The following MAGI1 variants were observed in gnomAD, a reference collection of about 807,000 sequenced individuals.
MAGI1 encodes membrane-associated guanylate kinase, WW and PDZ domain-containing protein 1.
MAGI1 carries 58 observed loss-of-function variants against 139.9 expected under a neutral mutation model. That is an observed-to-expected ratio of 0.41 (90% CI 0.34 to 0.52). The LOEUF (loss-of-function observed/expected upper bound fraction) is 0.52. Ranked by LOEUF, MAGI1 falls within the 20% of genes least tolerant of loss-of-function variation. MAGI1 has a pLI of 0.12. For synonymous variants in MAGI1, 812 were observed against 737.9 expected (o/e 1.10, Z -1.63); for missense variants, 1,874 against 1,901.6 (o/e 0.99, Z 0.27).
intron 1 of MAGI1, among the ~76,000 whole-genome samples, chr3:66,007,437 G>A (rs779462897): frequency 1.3e-5 from 2 of 152,224 alleles, no homozygotes; most frequent in East Asian, 3.9e-4. Flanking sequence ...CGCTGCCTGA[G>A]AAATCAGGAA....
At chr3:65,592,362 G>A (rs763216632) in intron 2 of MAGI1, among the ~76,000 whole-genome samples, 37 of 152,148 alleles carry the variant, frequency 2.4e-4, no homozygotes, top group Non-Finnish European at 8.8e-5. Context: ...GAACTAGCAT[G>A]CAAAGGGGAG....
chr3:65,569,564 A>G (rs1251328760), intron 2 of MAGI1, among the ~76,000 whole-genome samples: 2 of 146,632 alleles, frequency 1.4e-5, no homozygotes, highest in Non-Finnish European at 3.0e-5. Context: ...CCACAATTTT[A>G]AAGGATCCTT....
intron 1 of MAGI1, among the ~76,000 whole-genome samples, chr3:65,673,784 T>G (rs1324471052): frequency 6.6e-6 from 1 of 152,250 alleles, no homozygotes; most frequent in African/African-American, 2.4e-5. Flanking sequence ...GTAAATTATA[T>G]TATTGTATGT....
intron 1 of MAGI1, among the ~76,000 whole-genome samples, chr3:65,876,446 C>T (rs530383743): frequency 5.9e-5 from 9 of 151,886 alleles, no homozygotes; most frequent in South Asian, 4.2e-4. Flanking sequence ...ATAAGGTAGA[C>T]GGGAAAAAAG....
chr3:65,687,922 A>T (rs750700927), intron 1 of MAGI1: 3 of 680,440 alleles, frequency 4.4e-6, no homozygotes, highest in African/African-American at 1.8e-5. Flanking sequence ...GCCATTCGGC[A>T]TGCCCGCTGG....
At chr3:65,764,407 A>T (rs182801637) in intron 1 of MAGI1, among the ~76,000 whole-genome samples, 1 of 152,188 alleles carries the variant, frequency 6.6e-6, no homozygotes, top group African/African-American at 2.4e-5. Context: ...GAAAAGCTGG[A>T]TGTCTAGCTC....
chr3:65,787,668 G>C (rs1041294713), intron 1 of MAGI1, among the ~76,000 whole-genome samples: 2 of 151,726 alleles, frequency 1.3e-5, no homozygotes, highest in Admixed American at 6.6e-5. Flanking sequence ...TAATAAAACA[G>C]AGTAGACTGT....
At chr3:65,857,099 G>A (rs1355700965) in intron 1 of MAGI1, among the ~76,000 whole-genome samples, 1 of 152,202 alleles carries the variant, frequency 6.6e-6, no homozygotes, top group Non-Finnish European at 1.5e-5. Flanking sequence ...GGCTACACCT[G>A]GCAGAAAGGC....
In MAGI1 at chr3:65,698,258, C is replaced by T. The variant is rs1029940484; in HGVS notation, c.314-76170G>A. 6.4e-4 allele frequency among the ~76,000 whole-genome samples: 85 copies of T among 133,856 alleles called. 1 individual carries two copies. The highest frequency in any genetic ancestry group is 2.3e-3 in the Admixed American group (32 of 14,044). The allele number at this position is 133,856 out of a possible 152,430, so 87.8% of individuals were successfully genotyped here. ...AACAAATGGAAGAACATTCCATGCT[C>T]ATGGGTAGGAAGAATCAATATCGTG... On this transcript the variant is annotated intron_variant, in intron 1 of 22. Coordinates refer to ENST00000402939, the MANE Select transcript of MAGI1 (RefSeq NM_001033057.2).
At chr3:65,453,542 T>G (rs1949176274) in intron 5 of MAGI1, among the ~76,000 whole-genome samples, 1 of 152,176 alleles carries the variant, frequency 6.6e-6, no homozygotes, top group Admixed American at 6.5e-5. Flanking sequence ...GGCTTTTTAC[T>G]TACCTAACAT....
chr3:65,412,461 T>A (rs576903674), intron 12 of MAGI1, among the ~76,000 whole-genome samples: 1 of 152,358 alleles, frequency 6.6e-6, no homozygotes, highest in Admixed American at 6.5e-5. Flanking sequence ...CCTTGTTTAC[T>A]TGTCTATTAT....
At chr3:65,369,132 C>T (rs921727451) in intron 18 of MAGI1, among the ~76,000 whole-genome samples, 6 of 152,168 alleles carry the variant, frequency 3.9e-5, no homozygotes, top group African/African-American at 1.4e-4. Flanking sequence ...CTGCCCTCCC[C>T]CATTGTCCAC....
At chr3:65,901,375 G>A (rs1315037204) in intron 1 of MAGI1, among the ~76,000 whole-genome samples, 1 of 152,188 alleles carries the variant, frequency 6.6e-6, no homozygotes, top group Non-Finnish European at 1.5e-5. Flanking sequence ...AGAGTCACGT[G>A]GTGACGAAAT....
chr3:65,964,890 G>A (rs1343916703), intron 1 of MAGI1, among the ~76,000 whole-genome samples: 1 of 152,086 alleles, frequency 6.6e-6, no homozygotes, highest in Admixed American at 6.5e-5. Context: ...GGATGTCCAG[G>A]CCACACAAGA....
At chr3:65,531,282 C>G (rs554974632) in intron 2 of MAGI1, among the ~76,000 whole-genome samples, 18 of 152,152 alleles carry the variant, frequency 1.2e-4, no homozygotes, top group African/African-American at 4.3e-4. Context: ...ATCTGAGCAA[C>G]AGACTTGCCT....
chr3:65,550,756 G>C (rs116246743), intron 2 of MAGI1, among the ~76,000 whole-genome samples: 4 of 151,318 alleles, frequency 2.6e-5, no homozygotes, highest in African/African-American at 7.3e-5. Flanking sequence ...CTTGAGCCCC[G>C]AAGTTTGTGA....
At chr3:65,722,363 C>G (rs751061742) in intron 1 of MAGI1, among the ~76,000 whole-genome samples, 1 of 152,012 alleles carries the variant, frequency 6.6e-6, no homozygotes, top group Non-Finnish European at 1.5e-5. Flanking sequence ...CACAGTGGCT[C>G]GCACCTATAA....
intron 1 of MAGI1, among the ~76,000 whole-genome samples, chr3:65,827,555 G>GC (rs567848423): frequency 9.9e-4 from 151 of 152,288 alleles, no homozygotes; most frequent in African/African-American, 3.3e-3. Flanking sequence ...ACTGCCTTAA[G>GC]CTCTATACTC....
chr3:65,616,245 CAG>C (rs1455882030), intron 2 of MAGI1, among the ~76,000 whole-genome samples: 1 of 151,984 alleles, frequency 6.6e-6, no homozygotes, highest in Non-Finnish European at 1.5e-5. Flanking sequence ...AGGGGTGGGT[CAG>C]TAGGTGGGAG....
Sources: allele counts gnomAD v4.1 joint callset (sites outside exome capture counted in the v4.1 genomes callset), GRCh38; gene constraint gnomAD v4.1.1; transcripts MANE v1.5; gene names NCBI Gene and HGNC (gene_info 2026-07-23, HGNC 2026-07-21).